The following TGM3 variants were observed in gnomAD, a reference collection of about 807,000 sequenced individuals.
TGM3 encodes transglutaminase 3.
Under a neutral mutation model 73.8 loss-of-function variants are expected in TGM3, and 52 were observed. That is an observed-to-expected ratio of 0.70 (90% CI 0.56 to 0.89). The LOEUF (loss-of-function observed/expected upper bound fraction) is 0.89. TGM3 is among the 40% of genes least tolerant of loss of function. TGM3 has a pLI of 0.00. For synonymous variants in TGM3, 372 were observed against 354.9 expected, an observed-to-expected ratio of 1.05 and a Z score of -0.54; for missense variants, 928 against 909.9, an observed-to-expected ratio of 1.02 and a Z score of -0.26.
intron 4 of TGM3, among the ~76,000 whole-genome samples, chr20:2,312,641 C>T (rs934310072): frequency 1.3e-5 from 2 of 152,042 alleles, no homozygotes; most frequent in Non-Finnish European, 2.9e-5. Flanking sequence ...TTATCCTTTT[C>T]TGTCTCTTTT....
chr20:2,319,354 G>C (rs1255082333), intron 7 of TGM3, among the ~76,000 whole-genome samples: 1 of 152,174 alleles, frequency 6.6e-6, no homozygotes, highest in Non-Finnish European at 1.5e-5. Context: ...GTGCTGTTAG[G>C]AGGCACGGGG....
At chr20:2,305,162 C>T (rs1313939586) in intron 1 of TGM3, among the ~76,000 whole-genome samples, 1 of 152,138 alleles carries the variant, frequency 6.6e-6, no homozygotes, top group Non-Finnish European at 1.5e-5. Context: ...TTCATTAAGT[C>T]ATCAGTCATT....
chr20:2,315,292 A>G (rs1424940877), intron 5 of TGM3, among the ~76,000 whole-genome samples: 2 of 152,190 alleles, frequency 1.3e-5, no homozygotes, highest in Non-Finnish European at 2.9e-5. Context: ...TGAACTAATT[A>G]TGGCCTGTGC....
intron 3 of TGM3, among the ~76,000 whole-genome samples, chr20:2,310,682 G>A (rs147617865): frequency 9.2e-5 from 14 of 152,308 alleles, no homozygotes; most frequent in East Asian, 3.9e-4. Flanking sequence ...AGATCACATT[G>A]AGCTTTTACA....
chr20:2,317,285 G>A (rs1225429748), intron 6 of TGM3, 40 bp downstream of exon 6: 1 of 1,613,696 alleles, frequency 6.2e-7, no homozygotes, highest in East Asian at 2.2e-5. Flanking sequence ...GTCAGTGGGT[G>A]GCAGTGGGCT....
intron 4 of TGM3, among the ~76,000 whole-genome samples, chr20:2,312,061 T>G (rs1304741494): frequency 6.6e-6 from 1 of 152,198 alleles, no homozygotes; most frequent in Non-Finnish European, 1.5e-5. Context: ...AGCAAGAGAT[T>G]TTATTTTTAT....
Position 2,334,281 on chromosome 20 carries a change from G to C in TGM3, c.1643-835G>C, listed in dbSNP as rs1370609615. 6.6e-6 allele frequency among the ~76,000 whole-genome samples: 1 copy of C among 152,240 alleles called. No homozygotes were observed. Among genetic ancestry groups the C allele is most frequent in the African/African-American group, 2.4e-5 (1 of 41,456 alleles). ...GTGTGGAAGGTTCTTTTAAGGGACA[G>C]GTGATGCAGGGCCAGGTTGAGGGGT... On this transcript the variant is annotated intron_variant, in intron 10 of 12. Transcript: ENST00000381458. The surrounding 1 kb of genome is among the most constrained non-coding windows in gnomAD (Gnocchi z 4.0).
At chr20:2,331,812 C>T (rs185265230) in intron 9 of TGM3, among the ~76,000 whole-genome samples, 190 bp from the exon 10 acceptor site, 1 of 152,296 alleles carries the variant, frequency 6.6e-6, no homozygotes, top group Non-Finnish European at 1.5e-5. Context: ...ATTAGAAAAG[C>T]GCCAGAGACC....
chr20:2,317,312 T>G (rs1367473717), intron 6 of TGM3, 38 bp from the exon 7 acceptor site: 4 of 1,613,954 alleles, frequency 2.5e-6, no homozygotes, highest in Non-Finnish European at 3.4e-6. Flanking sequence ...AGGTACCATC[T>G]CCACCACCTG....
rs1446199294 is a variant in TGM3 at position 2,296,055 on chromosome 20, AG to A, written c.-7del. 1 of 1,551,442 alleles carries A rather than the reference AG, an allele frequency of 6.4e-7. No individual in the cohort carries two copies. Among genetic ancestry groups the A allele is most frequent in the East Asian group, 2.4e-5 (1 of 40,932 alleles). On this transcript the variant is annotated 5_prime_UTR_variant, in exon 1 of 13. Transcript: ENST00000381458. ...GAGGAGCCTGAGAAGAGGCAGAGGA[AG>A]GCGAAACATGGCTGGTGAGTGCATG...
rs747853329 is a variant in TGM3 at position 2,328,243 on chromosome 20, A to C, written c.1211A>C (p.Asn404Thr). The C allele has an allele frequency of 7.4e-6, 12 of 1,614,074 alleles. No homozygotes were observed. The highest frequency in any genetic ancestry group is 4.0e-5 in the African/African-American group (3 of 74,920). Residue 404 changes from asparagine to threonine, a missense_variant, in exon 9 of 13, where the codon AAC (asparagine) becomes ACC (threonine). Asn to Thr is a moderately conservative substitution (Grantham distance 65). Transcript: ENST00000381458. The surrounding 1 kb of genome is among the most constrained non-coding windows in gnomAD (Gnocchi z 5.2). ...NADRITWLYD[N>T]TTGKQWKNSV... Reference sequence around the variant, plus strand: ...GACCGCATCACCTGGCTGTACGACAACACCACTGGCAAACAGTGGAAGAAT... The same window carrying C: ...GACCGCATCACCTGGCTGTACGACACCACCACTGGCAAACAGTGGAAGAAT...
chr20:2,321,271 C>T lies in TGM3; in HGVS notation c.983+3786C>T, dbSNP rs563398882. ...TGTTTGTTTTGTTTTATAACTAGGC[C>T]TTAGAGACTGAATAGACGAGTTTAC... On this transcript the variant is annotated intron_variant, in intron 7 of 12. Coordinates refer to ENST00000381458, the MANE Select transcript of TGM3 (RefSeq NM_003245.4). Among the ~76,000 whole-genome samples, 7 of 152,216 alleles carry T rather than the reference C, an allele frequency of 4.6e-5. No individual in the cohort carries two copies. The South Asian group carries it at 1.2e-3, about 27-fold the overall frequency.
At chr20:2,303,896 C>T (rs112551353) in intron 1 of TGM3, among the ~76,000 whole-genome samples, 123 of 152,286 alleles carry the variant, frequency 8.1e-4, no homozygotes, top group Middle Eastern at 6.8e-3. Context: ...ACACTGTGGG[C>T]AAACCACCTC....
chr20:2,330,538 G>C (rs182143620), intron 9 of TGM3, among the ~76,000 whole-genome samples: 1 of 152,348 alleles, frequency 6.6e-6, no homozygotes, highest in East Asian at 1.9e-4. Flanking sequence ...CAGGGAACTG[G>C]CCCCCTCTCT....
chr20:2,337,095 G>A (rs2084354873), intron 11 of TGM3, among the ~76,000 whole-genome samples: 1 of 152,150 alleles, frequency 6.6e-6, no homozygotes, highest in East Asian at 1.9e-4. Context: ...TCTGTTCTGA[G>A]TTCATCACTG....
chr20:2,335,030 C>G, intron 10 of TGM3, 86 bp from the exon 11 acceptor site: 2 of 1,530,814 alleles, frequency 1.3e-6, no homozygotes, highest in Non-Finnish European at 8.9e-7. Context: ...CCAGCTCACC[C>G]TGCCTTGGCT....
At chr20:2,323,715 A>G (rs1431607516) in intron 7 of TGM3, among the ~76,000 whole-genome samples, 3 of 152,256 alleles carry the variant, frequency 2.0e-5, no homozygotes, top group African/African-American at 7.2e-5. Context: ...AATGAGCACC[A>G]CAACGAGTAT....
chr20:2,306,377 A>G (rs1476067525), intron 1 of TGM3, among the ~76,000 whole-genome samples: 2 of 152,152 alleles, frequency 1.3e-5, no homozygotes, highest in African/African-American at 2.4e-5. Context: ...AAGTGCTCTG[A>G]AACCACATGT....
In TGM3 at chr20:2,328,194, T is replaced by C; in HGVS notation, c.1162T>C (p.Phe388Leu). Residue 388 changes from phenylalanine to leucine, a missense_variant, in exon 9 of 13, where the codon TTT becomes CTT. Transcript: ENST00000381458. This position sits in a 1 kb window ranked among gnomAD's most constrained non-coding sequence, Gnocchi z 5.2. ...GDVQLNFDMP[F>L]IFAEVNADRI... is the part of the protein sequence containing the mutation. The stretch of plus-strand genomic sequence containing the variant: ...TGTGCAGCTGAACTTCGACATGCCC[T>C]TTATCTTCGCGGAGGTTAATGCCGA... 6.2e-7 allele frequency: 1 copy of C among 1,614,178 alleles called. No individual in the cohort carries two copies. The highest frequency in any genetic ancestry group is 8.5e-7 in the Non-Finnish European group (1 of 1,180,044).
Sources: allele counts gnomAD v4.1 joint callset (sites outside exome capture counted in the v4.1 genomes callset), GRCh38; gene constraint gnomAD v4.1.1; non-coding constraint Gnocchi (gnomAD v3.1); transcripts MANE v1.5; gene names NCBI Gene and HGNC (gene_info 2026-07-23, HGNC 2026-07-21).